LRIG1: variants seen among roughly 807,000 people sequenced by gnomAD.
LRIG1 encodes the protein leucine-rich repeats and immunoglobulin-like domains protein 1.
In LRIG1, 48 loss-of-function variants were observed where a neutral mutation model predicts 99.2. The ratio of observed to expected loss-of-function variants is 0.48; its 90% confidence interval spans 0.38 to 0.62. The LOEUF is 0.62. Among genes scored for constraint, LRIG1 ranks in the 20% least tolerant of loss-of-function variants. LRIG1 has a pLI of 0.00. For missense variants in LRIG1, 1,646 were observed against 1,434.4 expected, an observed-to-expected ratio of 1.15 and a Z score of -2.38; for synonymous variants, 772 against 596.1, an observed-to-expected ratio of 1.29 and a Z score of -4.30.
intron 1 of LRIG1, among the ~76,000 whole-genome samples, chr3:66,497,319 T>C (rs1484014289): frequency 6.6e-6 from 1 of 152,214 alleles, no homozygotes; most frequent in Non-Finnish European, 1.5e-5. Context: ...AAACTGTATT[T>C]AATACTTCTT....
At chr3:66,405,831 TG>T in intron 8 of LRIG1, 1 of 1,143,166 alleles carries the variant, frequency 8.7e-7, no homozygotes, top group South Asian at 1.9e-5. Context: ...GGAGGACATC[TG>T]GGTGCTGAGT....
At position 66,398,143 on chromosome 3, in the gene LRIG1, C is replaced by A; in HGVS notation, c.1273G>T (p.Ala425Ser). Residue 425 changes from alanine (A) to serine (S), a missense_variant, in exon 11 of 19, where the codon GCC becomes TCC. By Grantham distance (99) the Ala-to-Ser change is moderately conservative. Coordinates refer to ENST00000273261, the MANE Select transcript of LRIG1 (RefSeq NM_015541.3). Reference protein sequence around the residue: ...GNAIRSVQFDAFVKMKNLKEL... With the variant: ...GNAIRSVQFDSFVKMKNLKEL... ...TTAAGATTCTTCATCTTCACAAAGG[C>A]ATCAAACTGGACAGATCTGATCGCA... is the stretch of plus-strand genomic sequence containing the variant. 1 of 1,614,084 alleles carries A rather than the reference C, an allele frequency of 6.2e-7. No individual in the cohort carries two copies. The highest frequency in any genetic ancestry group is 8.5e-7 in the Non-Finnish European group (1 of 1,179,910).
At chr3:66,431,620 C>T (rs72906738) in intron 3 of LRIG1, among the ~76,000 whole-genome samples, 2,011 of 152,264 alleles carry the variant, frequency 0.013, 45 homozygotes, top group African/African-American at 0.045. Flanking sequence ...GAGGGGGTCA[C>T]CCAGGAGTCC....
intron 3 of LRIG1, among the ~76,000 whole-genome samples, chr3:66,446,338 A>G (rs1703723128): frequency 6.6e-6 from 1 of 150,994 alleles, no homozygotes; most frequent in Admixed American, 6.6e-5. Flanking sequence ...TTTCCTTCCA[A>G]GTTTTATTCT....
chr3:66,417,813 T>G (rs1036825777), intron 3 of LRIG1, among the ~76,000 whole-genome samples: 1 of 151,632 alleles, frequency 6.6e-6, no homozygotes, highest in Non-Finnish European at 1.5e-5. Flanking sequence ...AAAAAAAGAT[T>G]ACGACAAAAT....
At chr3:66,495,071 CCA>C (rs1701196598) in intron 1 of LRIG1, among the ~76,000 whole-genome samples, 1 of 152,176 alleles carries the variant, frequency 6.6e-6, no homozygotes. Context: ...TTACCAATTT[CCA>C]CACTTTAACT....
At chr3:66,490,624 A>G (rs1701080429) in intron 1 of LRIG1, among the ~76,000 whole-genome samples, 1 of 132,650 alleles carries the variant, frequency 7.5e-6, no homozygotes, top group African/African-American at 2.8e-5. Context: ...TCTCAATACT[A>G]AGCTTTTCTG....
chr3:66,489,875 G>A (rs1158332629), intron 1 of LRIG1, among the ~76,000 whole-genome samples: 2 of 152,098 alleles, frequency 1.3e-5, no homozygotes, highest in African/African-American at 2.4e-5. Flanking sequence ...TTCCTCTCAG[G>A]TGAATCATTT....
At chr3:66,482,596 A>G (rs549202799) in intron 1 of LRIG1, among the ~76,000 whole-genome samples, 4 of 152,340 alleles carry the variant, frequency 2.6e-5, no homozygotes, top group Non-Finnish European at 5.9e-5. Context: ...TCTCAGAGGC[A>G]GTGGTACCGA....
chr3:66,414,883 G>C (rs373225636), intron 5 of LRIG1, 37 bp downstream of exon 5: 1 of 1,524,174 alleles, frequency 6.6e-7, no homozygotes, highest in African/African-American at 1.4e-5. Flanking sequence ...CATAAAGTTT[G>C]GCTAGCCTTA....
chr3:66,483,027 T>C (rs1700885506), intron 1 of LRIG1, among the ~76,000 whole-genome samples: 1 of 152,164 alleles, frequency 6.6e-6, no homozygotes, highest in African/African-American at 2.4e-5. Flanking sequence ...AAAGACATAG[T>C]AACTAGGCTA....
At chr3:66,478,445 T>A (rs1700774149) in intron 1 of LRIG1, among the ~76,000 whole-genome samples, 1 of 152,172 alleles carries the variant, frequency 6.6e-6, no homozygotes, top group Admixed American at 6.5e-5. Flanking sequence ...ACAGTTGGTT[T>A]GGAAATAAGC....
intron 4 of LRIG1, among the ~76,000 whole-genome samples, chr3:66,415,338 G>C (rs571166442): frequency 6.6e-6 from 1 of 152,254 alleles, no homozygotes; most frequent in East Asian, 1.9e-4. Context: ...GGGTGGGAGT[G>C]AAAGTCAAAC....
chr3:66,406,300 C>A, intron 8 of LRIG1: 1 of 985,552 alleles, frequency 1.0e-6, no homozygotes, highest in Non-Finnish European at 1.2e-6. Context: ...ACCAGGGACC[C>A]GGGGCTGTGG....
intron 5 of LRIG1, among the ~76,000 whole-genome samples, chr3:66,413,845 G>C (rs1194583985): frequency 6.6e-6 from 1 of 152,156 alleles, no homozygotes; most frequent in African/African-American, 2.4e-5. Flanking sequence ...GGTAGGATGA[G>C]AGCCAGGCAC....
intron 1 of LRIG1, among the ~76,000 whole-genome samples, chr3:66,480,149 G>C (rs1253086312): frequency 6.6e-6 from 1 of 152,062 alleles, no homozygotes; most frequent in Non-Finnish European, 1.5e-5. Flanking sequence ...ATGAAGTACT[G>C]ATACCTGCCA....
rs992335877 is a variant in LRIG1 at position 66,378,881 on chromosome 3, A to G, written c.*1382T>C. ...ATATTTTACATGGTTTTCAATGTACACTGTACCAAAATTTCTATAAATAAA... is the reference window on the plus strand; with the variant it reads ...ATATTTTACATGGTTTTCAATGTACGCTGTACCAAAATTTCTATAAATAAA... On this transcript the variant is annotated 3_prime_UTR_variant, in exon 19 of 19. Transcript: ENST00000273261. The G allele has an allele frequency of 6.5e-6, 1 of 152,692 alleles. No individual in the cohort carries two copies. Among genetic ancestry groups the G allele is most frequent in the African/African-American group, 2.4e-5 (1 of 41,464 alleles). 9.5% of individuals were successfully genotyped at this position (152,692 alleles called of 1,614,324 possible).
intron 12 of LRIG1, among the ~76,000 whole-genome samples, chr3:66,392,605 G>A (rs932901295): frequency 6.7e-6 from 1 of 149,532 alleles, no homozygotes; most frequent in East Asian, 2.0e-4. Flanking sequence ...TTTTTAGAGG[G>A]GGGGAAGCTT....
rs1211379112 is a variant in LRIG1, at chr3:66,391,471, G to A, written c.1468+2569C>T. On this transcript the variant is annotated intron_variant, in intron 12 of 18. Transcript: ENST00000273261. ...TTCAGCCATGAAAAACAGGAATGAAGTACTGATACATGCTTAAAAATTATG... is the reference window on the plus strand; with the variant it reads ...TTCAGCCATGAAAAACAGGAATGAAATACTGATACATGCTTAAAAATTATG... Among the ~76,000 whole-genome samples, 7 of 152,326 alleles carry A rather than the reference G, an allele frequency of 4.6e-5. No individual in the cohort carries two copies. The South Asian group carries it at 8.3e-4, about 18-fold the overall frequency.
Sources: gnomAD v4.1 joint callset for allele counts (sites outside exome capture counted in the v4.1 genomes callset) on GRCh38, gnomAD v4.1.1 for gene constraint, MANE v1.5 for transcripts, NCBI Gene and HGNC (gene_info 2026-07-23, HGNC 2026-07-21) for gene names.